The following UBE2E2 variants were observed in gnomAD, a reference collection of about 807,000 sequenced individuals.
The protein encoded by UBE2E2 is ubiquitin conjugating enzyme E2 E2.
Under a neutral mutation model 24.7 loss-of-function variants are expected in UBE2E2, and 6 were observed. The ratio of observed to expected loss-of-function variants is 0.24; its 90% CI spans 0.13 to 0.48. The LOEUF (loss-of-function observed/expected upper bound fraction) is 0.48, where lower values mean the gene tolerates loss of function less well. UBE2E2 is among the 20% of genes least tolerant of loss of function. The probability of loss-of-function intolerance (pLI) is 0.99; values close to 1 mark genes in which losing one functional copy is unlikely to be tolerated. For missense variants in UBE2E2, 169 were observed against 245.0 expected (o/e 0.69, Z 2.07); for synonymous variants, 104 against 83.6 (o/e 1.24, Z -1.33).
At chr3:23,260,808 G>A (rs558407704) in intron 3 of UBE2E2, among the ~76,000 whole-genome samples, 2 of 152,278 alleles carry the variant, frequency 1.3e-5, no homozygotes, top group East Asian at 3.9e-4. Context: ...GGGTTGGAGG[G>A]AGACAGTAAT....
chr3:23,251,775 G>A (rs774051068), intron 3 of UBE2E2, among the ~76,000 whole-genome samples: 1 of 151,812 alleles, frequency 6.6e-6, no homozygotes, highest in Non-Finnish European at 1.5e-5. Context: ...AATCTCTCTC[G>A]ACTATTTATG....
At chr3:23,503,402 G>A (rs527959801) in intron 4 of UBE2E2, among the ~76,000 whole-genome samples, 2 of 151,788 alleles carry the variant, frequency 1.3e-5, no homozygotes, top group East Asian at 3.9e-4. Context: ...TGTTGGCCAG[G>A]CTGGTGTTGA....
At chr3:23,274,127 A>G (rs187289536) in intron 3 of UBE2E2, among the ~76,000 whole-genome samples, 4 of 152,202 alleles carry the variant, frequency 2.6e-5, no homozygotes, top group South Asian at 2.1e-4. Context: ...GTGCTGTTGT[A>G]TTTGTCTCTA....
intron 3 of UBE2E2, among the ~76,000 whole-genome samples, chr3:23,349,737 A>G (rs377742522): frequency 6.6e-6 from 1 of 152,216 alleles, no homozygotes; most frequent in African/African-American, 2.4e-5. Context: ...CAGGAAGCTC[A>G]AACTGGGTGG....
At chr3:23,362,579 C>T (rs1696148008) in intron 3 of UBE2E2, among the ~76,000 whole-genome samples, 1 of 152,156 alleles carries the variant, frequency 6.6e-6, no homozygotes, top group African/African-American at 2.4e-5. Context: ...GAGGTCCTGG[C>T]TTGCTATTGT....
intron 3 of UBE2E2, among the ~76,000 whole-genome samples, chr3:23,373,820 T>C (rs1696455021): frequency 6.6e-6 from 1 of 152,212 alleles, no homozygotes; most frequent in Non-Finnish European, 1.5e-5. Context: ...ATATGGTCAC[T>C]ATACACATAA....
intron 3 of UBE2E2, among the ~76,000 whole-genome samples, chr3:23,225,815 A>G (rs554731040): frequency 6.6e-6 from 1 of 152,278 alleles, no homozygotes; most frequent in East Asian, 1.9e-4. Flanking sequence ...GTGACTGGAC[A>G]TAAACCTAAC....
chr3:23,383,724 A>C (rs1043251624), intron 3 of UBE2E2, among the ~76,000 whole-genome samples: 1 of 151,946 alleles, frequency 6.6e-6, no homozygotes, highest in African/African-American at 2.4e-5. Flanking sequence ...ATTTTCTTCT[A>C]GAGCCCTGCT....
At chr3:23,344,387 C>T (rs778554180) in intron 3 of UBE2E2, among the ~76,000 whole-genome samples, 2 of 152,082 alleles carry the variant, frequency 1.3e-5, no homozygotes, top group Non-Finnish European at 2.9e-5. Context: ...AGCCTTAGAG[C>T]CACAAAAACC....
At chr3:23,569,939 T>C (rs1371970361) in intron 5 of UBE2E2, among the ~76,000 whole-genome samples, 2 of 152,218 alleles carry the variant, frequency 1.3e-5, no homozygotes, top group African/African-American at 4.8e-5. Flanking sequence ...TTTAATTTTA[T>C]CCAGTTACTG....
At chr3:23,392,993 T>C (rs939689576) in intron 3 of UBE2E2, among the ~76,000 whole-genome samples, 5 of 152,142 alleles carry the variant, frequency 3.3e-5, no homozygotes, top group African/African-American at 9.7e-5. Flanking sequence ...GAAGTGGCGA[T>C]GGAGGCCAAA....
intron 3 of UBE2E2, among the ~76,000 whole-genome samples, chr3:23,435,156 A>G (rs929124648): frequency 2.6e-5 from 4 of 152,222 alleles, no homozygotes; most frequent in Non-Finnish European, 4.4e-5. Flanking sequence ...TTCAAACTCT[A>G]TAATTTGAAC....
chr3:23,440,086 C>G (rs905735058), intron 3 of UBE2E2, among the ~76,000 whole-genome samples: 1 of 151,860 alleles, frequency 6.6e-6, no homozygotes, highest in African/African-American at 2.4e-5. Flanking sequence ...CCAGCCTGGC[C>G]AAGATGGTGA....
At chr3:23,245,729 C>T (rs755788931) in intron 3 of UBE2E2, among the ~76,000 whole-genome samples, 1 of 152,122 alleles carries the variant, frequency 6.6e-6, no homozygotes, top group African/African-American at 2.4e-5. Context: ...TTTTAAAGGG[C>T]ACCATCATAT....
At chr3:23,209,708 G>C (rs1490362659) in intron 2 of UBE2E2, among the ~76,000 whole-genome samples, 2 of 152,072 alleles carry the variant, frequency 1.3e-5, no homozygotes, top group Non-Finnish European at 2.9e-5. Context: ...TGGGTTAAGG[G>C]GAACTCCTTT....
chr3:23,387,363 C>T (rs1181147160), intron 3 of UBE2E2, among the ~76,000 whole-genome samples: 1 of 152,154 alleles, frequency 6.6e-6, no homozygotes, highest in Non-Finnish European at 1.5e-5. Context: ...TCAGGTAAAT[C>T]CCCTACTTTC....
At chr3:23,463,664 G>A (rs1161677849) in intron 3 of UBE2E2, among the ~76,000 whole-genome samples, 2 of 152,052 alleles carry the variant, frequency 1.3e-5, no homozygotes, top group Non-Finnish European at 2.9e-5. Flanking sequence ...TCTCTAAAAT[G>A]TTTGGCTGGC....
chr3:23,236,602 T>A (rs762056080), intron 3 of UBE2E2, among the ~76,000 whole-genome samples: 45 of 152,050 alleles, frequency 3.0e-4, no homozygotes, highest in Admixed American at 5.9e-4. Flanking sequence ...GCTGGTAGCA[T>A]GTCAGTTTAC....
At chr3:23,459,083 T>C (rs1209146157) in intron 3 of UBE2E2, among the ~76,000 whole-genome samples, 1 of 152,206 alleles carries the variant, frequency 6.6e-6, no homozygotes, top group African/African-American at 2.4e-5. Flanking sequence ...TCTGCCTTAA[T>C]TATGTGCCCA....
Sources: allele counts gnomAD v4.1 joint callset (sites outside exome capture counted in the v4.1 genomes callset), GRCh38; gene constraint gnomAD v4.1.1; transcripts MANE v1.5; gene names NCBI Gene and HGNC (gene_info 2026-07-23, HGNC 2026-07-21).